VWF: variants seen among roughly 807,000 people sequenced by gnomAD.
VWF encodes the protein von Willebrand factor, also known as Factor VIII related antigen.
In VWF, 176 loss-of-function variants were observed where a neutral mutation model predicts 308.6. The ratio of observed to expected loss-of-function variants is 0.57; its 90% CI spans 0.50 to 0.65. The LOEUF is 0.65. VWF is among the 30% of genes least tolerant of loss of function. VWF has a pLI of 0.00. For synonymous variants in VWF, 1,385 were observed against 1,443.4 expected, an observed-to-expected ratio of 0.96 and a Z score of 0.92; for missense variants, 3,146 against 3,648.2, an observed-to-expected ratio of 0.86 and a Z score of 3.55.
At chr12:6,053,507 G>A (rs569899708) in intron 15 of VWF, among the ~76,000 whole-genome samples, 23 of 152,286 alleles carry the variant, frequency 1.5e-4, no homozygotes, top group African/African-American at 5.1e-4. Context: ...CTACCACAGC[G>A]AAATGGGCTG....
intron 15 of VWF, among the ~76,000 whole-genome samples, chr12:6,055,841 C>A (rs1250467371): frequency 2.0e-5 from 3 of 150,556 alleles, no homozygotes; most frequent in Admixed American, 6.7e-5. Context: ...GTGGTGCGAT[C>A]ATAACTCACT....
intron 38 of VWF, among the ~76,000 whole-genome samples, chr12:5,989,330 T>TA (rs1195027297): frequency 1.3e-5 from 2 of 152,210 alleles, no homozygotes; most frequent in Non-Finnish European, 2.9e-5. Context: ...TTTCCCTTAA[T>TA]AAAAGGTTTT....
intron 5 of VWF, among the ~76,000 whole-genome samples, chr12:6,099,816 C>G (rs1380823399): frequency 6.6e-6 from 1 of 152,128 alleles, no homozygotes. Context: ...CATTACCATT[C>G]AGGACATAGG....
intron 47 of VWF, among the ~76,000 whole-genome samples, chr12:5,962,883 T>C (rs2136348433): frequency 6.6e-6 from 1 of 152,246 alleles, no homozygotes; most frequent in African/African-American, 2.4e-5. Context: ...CCGACATAAT[T>C]TAATGAGGAA....
intron 6 of VWF, among the ~76,000 whole-genome samples, chr12:6,089,176 A>G (rs1945005274): frequency 6.6e-6 from 1 of 152,232 alleles, no homozygotes; most frequent in Non-Finnish European, 1.5e-5. Flanking sequence ...GGGACTACAC[A>G]GGCTGTGAAC....
intron 47 of VWF, among the ~76,000 whole-genome samples, chr12:5,956,691 A>G (rs1943254905): frequency 1.3e-5 from 2 of 152,164 alleles, no homozygotes; most frequent in Admixed American, 1.3e-4. Flanking sequence ...AAAATAGGAA[A>G]AAGCTTTTAG....
chr12:6,095,914 C>A (rs1478691260), intron 5 of VWF: 1 of 369,212 alleles, frequency 2.7e-6, no homozygotes, highest in Non-Finnish European at 5.2e-6. Flanking sequence ...TCAAGCAATC[C>A]TCCCCCATCA....
At chr12:5,997,300 C>G (rs112482914) in intron 34 of VWF, among the ~76,000 whole-genome samples, 3 of 152,334 alleles carry the variant, frequency 2.0e-5, no homozygotes, top group African/African-American at 7.2e-5. Flanking sequence ...ATCCCCAACA[C>G]GCAGCTGTTG....
intron 47 of VWF, among the ~76,000 whole-genome samples, chr12:5,964,013 CTGGT>C (rs200128414): frequency 0.019 from 2,951 of 152,136 alleles, 85 homozygotes; most frequent in African/African-American, 0.067. Flanking sequence ...TGAGACCATT[CTGGT>C]TAACACGGTG....
intron 34 of VWF, 89 bp downstream of exon 34, chr12:6,011,528 T>C (rs1943993454): frequency 8.6e-7 from 1 of 1,159,964 alleles, no homozygotes; most frequent in Non-Finnish European, 1.3e-6. Context: ...ACTTCTGGGC[T>C]GGTGGGTGCC....
At chr12:6,116,517 C>T (rs953615305) in intron 3 of VWF, among the ~76,000 whole-genome samples, 4 of 152,202 alleles carry the variant, frequency 2.6e-5, no homozygotes, top group African/African-American at 7.2e-5. Context: ...GACCATGCCA[C>T]GGAAACTAAG....
intron 7 of VWF, among the ~76,000 whole-genome samples, chr12:6,074,356 C>T (rs114324704): frequency 0.024 from 3,619 of 152,146 alleles, 137 homozygotes; most frequent in African/African-American, 0.081. Context: ...TGTAGCTGAG[C>T]GACATTCAGG....
chr12:6,077,057 C>T (rs561498703), intron 6 of VWF, among the ~76,000 whole-genome samples: 18 of 152,336 alleles, frequency 1.2e-4, no homozygotes, highest in African/African-American at 4.3e-4. Flanking sequence ...CACTTGTAAT[C>T]CCAGCACTTT....
At position 6,057,984 on chromosome 12, in the gene VWF, C is replaced by G. The variant is rs200291678; in HGVS notation, c.1594G>C (p.Gly532Arg). 6 of 1,613,650 alleles carry G rather than the reference C, an allele frequency of 3.7e-6. No homozygotes were observed. The African/African-American group carries it at 8.0e-5, about 21-fold the overall frequency. The change falls in exon 14 of 52, where the codon GGC (glycine) becomes CGC (arginine). Residue 532 changes from glycine to arginine, a missense_variant. Coordinates refer to ENST00000261405, the MANE Select transcript of VWF (RefSeq NM_000552.5). Reference sequence around the variant, plus strand: ...CCAGAGGGGGTAAGGAAGTCGTCGCCCTGGTTGCCATTGTAATTCCCACAC... The same window carrying G: ...CCAGAGGGGGTAAGGAAGTCGTCGCGCTGGTTGCCATTGTAATTCCCACAC... ...GLCGNYNGNQ[G>R]DDFLTPSGLA... is the part of the protein sequence containing the mutation.
At position 6,030,416 on chromosome 12, in the gene VWF, T is replaced by G. The variant is rs150425893; in HGVS notation, c.2821-928A>C. The stretch of plus-strand genomic sequence containing the variant: ...CATCCCCTGCTGTCAATGGTGGGTA[T>G]TTGGAAGAAGGCAGAGCTGCAGGCT... On this transcript the variant is annotated intron_variant, in intron 21 of 51. Coordinates refer to ENST00000261405, the MANE Select transcript of VWF (RefSeq NM_000552.5). Among the ~76,000 whole-genome samples the G allele has an allele frequency of 9.1e-3, 1,387 of 152,252 alleles. 8 individuals are homozygous for G. The highest frequency in any genetic ancestry group is 0.034 in the Middle Eastern group (10 of 294).
chr12:6,053,020 T>C (rs986279119), intron 15 of VWF, among the ~76,000 whole-genome samples: 1 of 152,208 alleles, frequency 6.6e-6, no homozygotes, highest in Non-Finnish European at 1.5e-5. Flanking sequence ...CAACTTCCTT[T>C]CCCACTATGA....
chr12:5,966,049 C>T (rs1394354327), intron 47 of VWF, among the ~76,000 whole-genome samples: 1 of 152,180 alleles, frequency 6.6e-6, no homozygotes, highest in East Asian at 1.9e-4. Context: ...GTGGCTCCCT[C>T]TGAACACCAG....
chr12:5,954,203 G>A (rs1021786692), intron 47 of VWF, among the ~76,000 whole-genome samples: 15 of 152,212 alleles, frequency 9.9e-5, no homozygotes, highest in African/African-American at 3.4e-4. Context: ...TTGCTCCCCT[G>A]CTACAGGTTA....
In VWF at chr12:5,951,781, G is replaced by GC. The variant is rs1480686886; in HGVS notation, c.8155+62dup. On this transcript the variant is annotated intron_variant, in intron 50 of 51. Transcript: ENST00000261405. ...GCTAATGGGTTTCAAGGAGCAAGCT[G>GC]CAAAGAGCCCCTGGACTTGCTCTGA... is the stretch of plus-strand genomic sequence containing the variant. The GC allele has an allele frequency of 3.7e-5, 59 of 1,576,624 alleles. No homozygotes were observed. In the African/African-American group the frequency reaches 6.3e-4, roughly 17 times the overall value.
Sources: allele counts gnomAD v4.1 joint callset (sites outside exome capture counted in the v4.1 genomes callset), GRCh38; gene constraint gnomAD v4.1.1; transcripts MANE v1.5; gene names NCBI Gene and HGNC (gene_info 2026-07-23, HGNC 2026-07-21).